The following ACTR3C variants were observed in gnomAD, a reference collection of about 807,000 sequenced individuals.
The protein encoded by ACTR3C is actin related protein 3C.
ACTR3C carries 18 observed loss-of-function variants against 26.3 expected under a neutral mutation model. That is an observed-to-expected ratio of 0.68 (90% CI 0.47 to 1.01). The LOEUF (loss-of-function observed/expected upper bound fraction) is 1.01, where lower values mean the gene tolerates loss of function less well. Among genes scored for constraint, ACTR3C ranks in the 50% least tolerant of loss-of-function variants. The pLI is 0.00. For missense variants in ACTR3C, 184 were observed against 250.7 expected, an observed-to-expected ratio of 0.73 and a Z score of 1.80; for synonymous variants, 55 against 94.5, an observed-to-expected ratio of 0.58 and a Z score of 2.42.
chr7:149,939,457 C>T, the ACTR3C span, among the ~76,000 whole-genome samples: 43 of 152,282 alleles, frequency 2.8e-4, no homozygotes, highest in South Asian at 3.9e-3. Context: ...GTGTTACCCA[C>T]GTTGTGCATA....
intron 1 of ACTR3C, among the ~76,000 whole-genome samples, chr7:150,315,129 TAATA>T (rs1484811492): frequency 6.8e-6 from 1 of 147,550 alleles, no homozygotes; most frequent in East Asian, 1.9e-4. Context: ...ATATTATGTA[TAATA>T]AATAATATTT....
At chr7:150,106,706 T>G in the ACTR3C span, among the ~76,000 whole-genome samples, 1 of 132,752 alleles carries the variant, frequency 7.5e-6, no homozygotes, top group Non-Finnish European at 1.6e-5. Flanking sequence ...TCTTCATAAC[T>G]CCCTCATTGT....
the ACTR3C span, among the ~76,000 whole-genome samples, chr7:150,103,846 A>AAC: frequency 2.0e-5 from 3 of 152,026 alleles, no homozygotes; most frequent in Non-Finnish European, 4.4e-5. Context: ...CATTTCTTTG[A>AAC]AACCCAACCT....
At chr7:150,251,454 C>T (rs1255135676) in intron 6 of ACTR3C, among the ~76,000 whole-genome samples, 1 of 151,872 alleles carries the variant, frequency 6.6e-6, no homozygotes, top group East Asian at 1.9e-4. Flanking sequence ...AATGCTTTTA[C>T]CCATTTTATA....
the ACTR3C span, among the ~76,000 whole-genome samples, chr7:150,070,414 G>A: frequency 2.0e-4 from 30 of 152,230 alleles, no homozygotes; most frequent in East Asian, 2.9e-3. Flanking sequence ...GAAAAACATC[G>A]GTCAGGGGCA....
At chr7:150,020,849 T>C in the ACTR3C span, among the ~76,000 whole-genome samples, 13 of 152,178 alleles carry the variant, frequency 8.5e-5, no homozygotes, top group African/African-American at 2.2e-4. Context: ...TGATGGAGTT[T>C]TGCCCTCGTC....
At chr7:150,057,640 A>G in the ACTR3C span, among the ~76,000 whole-genome samples, 24 of 152,316 alleles carry the variant, frequency 1.6e-4, no homozygotes, top group African/African-American at 5.3e-4. Context: ...TCCACCAATC[A>G]AAAAACTTCA....
the ACTR3C span, among the ~76,000 whole-genome samples, chr7:149,894,199 G>T: frequency 6.6e-6 from 1 of 152,312 alleles, no homozygotes; most frequent in South Asian, 2.1e-4. Context: ...TCCACATGCA[G>T]AAGAATGAAA....
the ACTR3C span, among the ~76,000 whole-genome samples, chr7:149,937,723 G>A: frequency 1.3e-5 from 2 of 152,194 alleles, no homozygotes; most frequent in Non-Finnish European, 2.9e-5. Flanking sequence ...CACGGAGCAG[G>A]AGCTCGGGGA....
chr7:149,958,795 A>G, the ACTR3C span, among the ~76,000 whole-genome samples: 1 of 152,236 alleles, frequency 6.6e-6, no homozygotes, highest in African/African-American at 2.4e-5. Context: ...TGCAAAGAAG[A>G]GGTATGATTC....
chr7:149,931,664 A>G, the ACTR3C span, among the ~76,000 whole-genome samples: 6 of 152,244 alleles, frequency 3.9e-5, no homozygotes, highest in African/African-American at 1.4e-4. Context: ...TAACGCTGTA[A>G]TTAAAAGAAG....
chr7:150,049,194 G>C, the ACTR3C span, among the ~76,000 whole-genome samples: 4 of 152,020 alleles, frequency 2.6e-5, no homozygotes, highest in Non-Finnish European at 4.4e-5. Context: ...TCCAGGCCCG[G>C]CCTGGCTTCT....
At chr7:150,084,026 C>A in the ACTR3C span, among the ~76,000 whole-genome samples, 1 of 152,044 alleles carries the variant, frequency 6.6e-6, no homozygotes, top group South Asian at 2.1e-4. Context: ...ATCTGCACAC[C>A]CAGCTAATTT....
the ACTR3C span, among the ~76,000 whole-genome samples, chr7:150,200,346 G>A: frequency 6.6e-6 from 1 of 152,136 alleles, no homozygotes; most frequent in Non-Finnish European, 1.5e-5. Flanking sequence ...TGACCATTAA[G>A]AGACTGAAAA....
At chr7:150,099,852 G>A in the ACTR3C span, among the ~76,000 whole-genome samples, 1 of 151,522 alleles carries the variant, frequency 6.6e-6, no homozygotes, top group East Asian at 1.9e-4. Flanking sequence ...TGTGACCCTG[G>A]GCCAGGGACT....
At chr7:149,899,901 C>CAAAAAA in the ACTR3C span, among the ~76,000 whole-genome samples, 18 of 121,280 alleles carry the variant, frequency 1.5e-4, no homozygotes, top group South Asian at 5.0e-3. Flanking sequence ...AACTAAAGAC[C>CAAAAAA]AAAAAAAAAA....
chr7:150,180,281 G>A, the ACTR3C span, among the ~76,000 whole-genome samples: 1 of 149,730 alleles, frequency 6.7e-6, no homozygotes, highest in East Asian at 2.0e-4. Context: ...CTCCAGCCCG[G>A]GCGACAGAGC....
At chr7:149,900,465 G>A in the ACTR3C span, among the ~76,000 whole-genome samples, 5 of 151,772 alleles carry the variant, frequency 3.3e-5, no homozygotes, top group African/African-American at 7.3e-5. Context: ...ATAAGCCACC[G>A]TGCCCTGCCT....
chr7:150,017,110 G>A, the ACTR3C span, among the ~76,000 whole-genome samples: 5 of 152,046 alleles, frequency 3.3e-5, no homozygotes, highest in East Asian at 3.9e-4. Flanking sequence ...CAAGGGATGC[G>A]CTGGCAGTAA....
Sources: gnomAD v4.1 joint callset for allele counts (sites outside exome capture counted in the v4.1 genomes callset) on GRCh38, gnomAD v4.1.1 for gene constraint, MANE v1.5 for transcripts, NCBI Gene and HGNC (gene_info 2026-07-23, HGNC 2026-07-21) for gene names.